The following GAB1 variants were observed in gnomAD, a reference collection of about 807,000 sequenced individuals.
The protein encoded by GAB1 is GRB2 associated binding protein 1, also known as GRB2-associated-binding protein 1.
Under a neutral mutation model 66.5 loss-of-function variants are expected in GAB1, and 19 were observed. The ratio of observed to expected loss-of-function variants is 0.29; its 90% CI spans 0.20 to 0.42. The LOEUF (loss-of-function observed/expected upper bound fraction) is 0.42, where lower values mean the gene tolerates loss of function less well. Among genes scored for constraint, GAB1 ranks in the 10% least tolerant of loss-of-function variants. The probability of loss-of-function intolerance (pLI) is 1.00; values close to 1 mark genes in which losing one functional copy is unlikely to be tolerated. For synonymous variants in GAB1, 294 were observed against 301.4 expected (o/e 0.98, Z 0.25); for missense variants, 732 against 858.5 (o/e 0.85, Z 1.84).
In GAB1 at chr4:143,470,785, C is replaced by T. The variant is rs1430727696; in HGVS notation, c.*1596C>T. 1.3e-5 allele frequency: 2 copies of T among 152,224 alleles called. No homozygotes were observed. Among genetic ancestry groups the T allele is most frequent in the African/African-American group, 4.8e-5 (2 of 41,438 alleles). The allele number at this position is 152,224 out of a possible 1,614,324, so 9.4% of individuals were successfully genotyped here. On this transcript the variant is annotated 3_prime_UTR_variant, in exon 10 of 10. Coordinates refer to ENST00000262994, the MANE Select transcript of GAB1 (RefSeq NM_002039.4). ...CACAGATGTGCCCTGATTTCTGGCC[C>T]ATTGGCCATAGTACTGTGCCTAATC...
chr4:143,457,603 T>TC lies in GAB1; in HGVS notation c.1586-1782_1586-1781insC. 1.1e-5 allele frequency: 6 copies of TC among 553,834 alleles called. No individual in the cohort carries two copies. The South Asian group carries it at 1.9e-4, about 18-fold the overall frequency. The allele number at this position is 553,834 out of a possible 1,614,324, so 34.3% of individuals were successfully genotyped here. The stretch of plus-strand genomic sequence containing the variant: ...TGCACAGGGCTCTGTTGCTTTTTTT[T>TC]TTTTTTTTTTTTACAGAATCCATTT... On this transcript the variant is annotated intron_variant, in intron 6 of 9. Coordinates refer to ENST00000262994, the MANE Select transcript of GAB1 (RefSeq NM_002039.4).
intron 1 of GAB1, among the ~76,000 whole-genome samples, chr4:143,407,324 C>T (rs980956211): frequency 6.6e-6 from 1 of 151,312 alleles, no homozygotes; most frequent in Non-Finnish European, 1.5e-5. Context: ...TTGAGGTAGG[C>T]ATTAATTTAG....
At chr4:143,373,235 T>C (rs77093591) in intron 1 of GAB1, among the ~76,000 whole-genome samples, 4,796 of 152,322 alleles carry the variant, frequency 0.031, 113 homozygotes, top group Non-Finnish European at 0.041. Flanking sequence ...TAAGATCCTT[T>C]GGAATATTGT....
At position 143,472,187 on chromosome 4, in the gene GAB1, T is replaced by TTA. The variant is rs1473600830; in HGVS notation, c.*3001_*3002dup. Reference sequence around the variant, plus strand: ...AGATTTTTTAAATCTACACTTCAGTTTATACATCTTTATCATTATCAATAC... The same window carrying TTA: ...AGATTTTTTAAATCTACACTTCAGTTTATATACATCTTTATCATTATCAATAC... On this transcript the variant is annotated 3_prime_UTR_variant, in exon 10 of 10. Coordinates refer to ENST00000262994, the MANE Select transcript of GAB1 (RefSeq NM_002039.4). 2.0e-5 allele frequency: 3 copies of TTA among 152,306 alleles called. No individual in the cohort carries two copies. Among genetic ancestry groups the TTA allele is most frequent in the South Asian group, 2.1e-4 (1 of 4,818 alleles). 9.4% of individuals were successfully genotyped at this position (152,306 alleles called of 1,614,324 possible).
At chr4:143,398,800 C>G (rs772628601) in intron 1 of GAB1, among the ~76,000 whole-genome samples, 10 of 152,110 alleles carry the variant, frequency 6.6e-5, no homozygotes, top group Non-Finnish European at 1.5e-4. Flanking sequence ...TGGCTCACAT[C>G]TGTAATCCCA....
rs750763922 is a variant in GAB1, at chr4:143,415,705, G to C, written c.301G>C (p.Glu101Gln). Reference protein sequence around the residue: ...DRIFYLVADSEEEMNKWVRCI... With the variant: ...DRIFYLVADSQEEMNKWVRCI... ...GATTTTCTACTTGGTAGCAGACAGC[G>C]AGGAGGAGATGAATAAGTGGGTTCG... The change falls in exon 2 of 10, where the codon GAG (glutamate) becomes CAG (glutamine). Residue 101 changes from glutamate to glutamine, a missense_variant. Physicochemically the swap from Glu to Gln is conservative, Grantham distance 29. Transcript: ENST00000262994. 6.2e-7 allele frequency: 1 copy of C among 1,614,006 alleles called. No individual in the cohort carries two copies. Among genetic ancestry groups the C allele is most frequent in the East Asian group, 2.2e-5 (1 of 44,868 alleles).
At chr4:143,435,858 C>T (rs1339882163) in intron 3 of GAB1, among the ~76,000 whole-genome samples, 1 of 152,190 alleles carries the variant, frequency 6.6e-6, no homozygotes, top group Non-Finnish European at 1.5e-5. Context: ...CTCTAGGAAG[C>T]ATTCCTCTCA....
At chr4:143,371,325 C>T (rs529170456) in intron 1 of GAB1, among the ~76,000 whole-genome samples, 16 of 152,200 alleles carry the variant, frequency 1.1e-4, no homozygotes, top group Admixed American at 6.5e-4. Context: ...TTTCATGTGT[C>T]TGTTGGCTGC....
At chr4:143,450,362 A>C (rs1006155891) in intron 6 of GAB1, among the ~76,000 whole-genome samples, 1 of 152,216 alleles carries the variant, frequency 6.6e-6, no homozygotes, top group African/African-American at 2.4e-5. Context: ...CTTTGGGAAG[A>C]GTAAAAAATT....
At chr4:143,456,849 T>C (rs1735218929) in intron 6 of GAB1, among the ~76,000 whole-genome samples, 1 of 152,234 alleles carries the variant, frequency 6.6e-6, no homozygotes, top group Non-Finnish European at 1.5e-5. Context: ...TCAAATGATA[T>C]TGCAGCTCTG....
At chr4:143,436,161 G>T (rs1733930378) in intron 3 of GAB1, among the ~76,000 whole-genome samples, 1 of 152,202 alleles carries the variant, frequency 6.6e-6, no homozygotes, top group Non-Finnish European at 1.5e-5. Context: ...TTCATAGGAA[G>T]AATGGAATGT....
rs1456504612 is a variant in GAB1 at position 143,350,695 on chromosome 4, AAAAG to A, written c.72+13441_72+13444del. Among the ~76,000 whole-genome samples, 10 of 151,574 alleles carry A rather than the reference AAAAG, an allele frequency of 6.6e-5. No individual in the cohort carries two copies. In the South Asian group the frequency reaches 1.7e-3, roughly 25 times the overall value. On this transcript the variant is annotated intron_variant, in intron 1 of 9. Transcript: ENST00000262994. ...CTCCGTCTCAAAAAAAAAAAAAAAA[AAAAG>A]AAAGACTTTGTATTTTAGGCCCTGG...
Position 143,446,336 on chromosome 4 carries a change from A to G in GAB1, c.1585+5954A>G, listed in dbSNP as rs1418225223. Among the ~76,000 whole-genome samples the G allele has an allele frequency of 3.9e-5, 6 of 152,226 alleles. No individual in the cohort carries two copies. The East Asian group carries it at 1.2e-3, about 29-fold the overall frequency. ...TAATGGGATGGCTGGGTCAAATGGT[A>G]TTGCTAGTTCCAGATCCCTGAGGAA... On this transcript the variant is annotated intron_variant, in intron 6 of 9. Coordinates refer to ENST00000262994, the MANE Select transcript of GAB1 (RefSeq NM_002039.4).
At chr4:143,460,746 G>A (rs1735448254) in intron 8 of GAB1, among the ~76,000 whole-genome samples, 2 of 151,660 alleles carry the variant, frequency 1.3e-5, no homozygotes, top group Non-Finnish European at 2.9e-5. Context: ...TATTTGGGAG[G>A]CTGAGGTGGG....
rs962507822 is a variant in GAB1 at position 143,373,017 on chromosome 4, G to A, written c.72+35757G>A. On this transcript the variant is annotated intron_variant, in intron 1 of 9. Coordinates refer to ENST00000262994, the MANE Select transcript of GAB1 (RefSeq NM_002039.4). ...GATCTGGTTATTTAATTTTAGTAAC[G>A]CATCTGAGGATTGAATTTCCTTTAA... 2.0e-5 allele frequency among the ~76,000 whole-genome samples: 3 copies of A among 150,150 alleles called. No homozygotes were observed. In the South Asian group the frequency reaches 6.4e-4, roughly 32 times the overall value.
chr4:143,354,081 G>GA (rs1729344381), intron 1 of GAB1, among the ~76,000 whole-genome samples: 1 of 152,184 alleles, frequency 6.6e-6, no homozygotes, highest in Non-Finnish European at 1.5e-5. Flanking sequence ...TGCTGGTGGA[G>GA]ACCCAAAACC....
intron 4 of GAB1, 96 bp from the exon 5 acceptor site, chr4:143,439,706 C>A: frequency 1.3e-6 from 1 of 776,130 alleles, no homozygotes; most frequent in Admixed American, 2.0e-5. Flanking sequence ...TGTGTGTATG[C>A]ATATGTATAA....
intron 2 of GAB1, among the ~76,000 whole-genome samples, chr4:143,418,643 T>G (rs758774548): frequency 7.2e-5 from 11 of 152,224 alleles, no homozygotes; most frequent in Non-Finnish European, 1.0e-4. Flanking sequence ...TAGATTGAGC[T>G]GATCCAAAAA....
chr4:143,417,403 A>G (rs1159941370), intron 2 of GAB1: 2 of 422,584 alleles, frequency 4.7e-6, no homozygotes, highest in Admixed American at 2.5e-5. Flanking sequence ...CTTTTTTATT[A>G]TTATTATTAT....
Sources: allele counts gnomAD v4.1 joint callset (sites outside exome capture counted in the v4.1 genomes callset), GRCh38; gene constraint gnomAD v4.1.1; transcripts MANE v1.5; gene names NCBI Gene and HGNC (gene_info 2026-07-23, HGNC 2026-07-21).